The following SCARA5 variants were observed in gnomAD, a reference collection of about 807,000 sequenced individuals.
SCARA5 encodes the protein scavenger receptor class A member 5.
Under a neutral mutation model 46.3 loss-of-function variants are expected in SCARA5, and 45 were observed. That is an observed-to-expected ratio of 0.97 (90% CI 0.76 to 1.24). The LOEUF is 1.24. Among genes scored for constraint, SCARA5 ranks in the 50% most tolerant of loss-of-function variants. The pLI, the probability that SCARA5 is intolerant of heterozygous loss-of-function variation, is 0.00. For synonymous variants in SCARA5, 333 were observed against 306.5 expected, an observed-to-expected ratio of 1.09 and a Z score of -0.90; for missense variants, 680 against 689.0, an observed-to-expected ratio of 0.99 and a Z score of 0.15.
At chr8:27,955,108 C>T (rs882832) in intron 3 of SCARA5, among the ~76,000 whole-genome samples, 9,456 of 152,234 alleles carry the variant, frequency 0.062, 405 homozygotes, top group East Asian at 0.19. Flanking sequence ...ATTGTCACTG[C>T]CCCACCCCAT....
rs775120903 is a variant in SCARA5, at chr8:27,870,105, A to G, written c.*1829T>C. ...ACAAGACTTATGTTGTCCCTAATGG[A>G]AAGACCAAGTAAGAGAGTTATGTGC... On this transcript the variant is annotated 3_prime_UTR_variant, in exon 9 of 9. Coordinates refer to ENST00000354914, the MANE Select transcript of SCARA5 (RefSeq NM_173833.6). 1 of 152,170 alleles carries G rather than the reference A, an allele frequency of 6.6e-6. No homozygotes were observed. The highest frequency in any genetic ancestry group is 1.5e-5 in the Non-Finnish European group (1 of 68,042). 9.4% of individuals were successfully genotyped at this position (152,170 alleles called of 1,614,324 possible). A position where few individuals can be genotyped will look rare whatever the true frequency, so the allele number is the denominator to read the frequency against.
In SCARA5 at chr8:27,921,863, C is replaced by A; in HGVS notation, c.624G>T (p.Gly208=). The A allele has an allele frequency of 6.6e-7, 1 of 1,515,576 alleles. No homozygotes were observed. Among genetic ancestry groups the A allele is most frequent in the Admixed American group, 2.1e-5 (1 of 46,878 alleles). 93.9% of individuals were successfully genotyped at this position (1,515,576 alleles called of 1,614,324 possible). The change falls in exon 4 of 9, where the codon GGG becomes GGT. Residue 208 remains glycine, a synonymous_variant. Transcript: ENST00000354914. ...CCAGGATGCCCACCCTGCGCGCCAG[C>A]CCGTCCAGCAGGCCCGCGTGGCGCC... ...LLRRHAGLLD[G]LARRVGILGE...
At position 27,901,544 on chromosome 8, in the gene SCARA5, C is replaced by A. The variant is rs112473636; in HGVS notation, c.1153+3234G>T. On this transcript the variant is annotated intron_variant, in intron 7 of 8. Coordinates refer to ENST00000354914, the MANE Select transcript of SCARA5 (RefSeq NM_173833.6). Reference sequence around the variant, plus strand: ...TTTCTGAAAGCTGAGCCTTGGCTCTCCCCCACAGAGCCCGGGTCTCAGGGA... The same window carrying A: ...TTTCTGAAAGCTGAGCCTTGGCTCTACCCCACAGAGCCCGGGTCTCAGGGA... Among the ~76,000 whole-genome samples, 1,086 of 152,206 alleles carry A rather than the reference C, an allele frequency of 7.1e-3. 9 individuals carry two copies. Among genetic ancestry groups the A allele is most frequent in the Non-Finnish European group, 0.012 (808 of 67,994 alleles).
At chr8:27,883,286 C>T (rs1464070562) in intron 7 of SCARA5, among the ~76,000 whole-genome samples, 2 of 152,204 alleles carry the variant, frequency 1.3e-5, no homozygotes, top group Admixed American at 1.3e-4. Flanking sequence ...ATCACAAAGC[C>T]AGGGTTTGGC....
chr8:27,977,610 T>A (rs73669116), intron 2 of SCARA5, among the ~76,000 whole-genome samples: 6,674 of 152,304 alleles, frequency 0.044, 455 homozygotes, highest in African/African-American at 0.15. Context: ...CTTTGCTTCC[T>A]TCTAGAACTT....
At chr8:27,896,832 G>A (rs377630326) in intron 7 of SCARA5, among the ~76,000 whole-genome samples, 8 of 152,092 alleles carry the variant, frequency 5.3e-5, no homozygotes, top group African/African-American at 1.9e-4. Context: ...AGTGGCTCAC[G>A]CCGGTAATCC....
intron 3 of SCARA5, among the ~76,000 whole-genome samples, chr8:27,930,480 G>C (rs1348990536): frequency 6.6e-6 from 1 of 151,832 alleles, no homozygotes; most frequent in Admixed American, 6.6e-5. Context: ...TCGGCTCACA[G>C]CAACCTCCGC....
At chr8:27,898,469 T>C (rs1224206355) in intron 7 of SCARA5, among the ~76,000 whole-genome samples, 1 of 152,214 alleles carries the variant, frequency 6.6e-6, no homozygotes, top group Admixed American at 6.5e-5. Context: ...AAACAGGACT[T>C]GGATTTAAGA....
chr8:27,932,742 C>T (rs1267892121), intron 3 of SCARA5, among the ~76,000 whole-genome samples: 2 of 152,252 alleles, frequency 1.3e-5, no homozygotes, highest in African/African-American at 4.8e-5. Context: ...GATTCTCCTG[C>T]CTCAGCCTCC....
intron 4 of SCARA5, among the ~76,000 whole-genome samples, chr8:27,917,347 G>T (rs1221640173): frequency 6.6e-6 from 1 of 152,198 alleles, no homozygotes; most frequent in African/African-American, 2.4e-5. Flanking sequence ...GGCAGTTTCA[G>T]TTTGAGCCAA....
chr8:27,948,395 A>T (rs1382232503), intron 3 of SCARA5, among the ~76,000 whole-genome samples: 1 of 152,188 alleles, frequency 6.6e-6, no homozygotes, highest in African/African-American at 2.4e-5. Context: ...TTCACAACTG[A>T]AGTCTCAGGA....
At chr8:27,914,354 AT>A (rs1165255020) in intron 4 of SCARA5, among the ~76,000 whole-genome samples, 2 of 152,248 alleles carry the variant, frequency 1.3e-5, no homozygotes, top group Non-Finnish European at 2.9e-5. Flanking sequence ...TTAGTGTACC[AT>A]GGGCAGAGCC....
At chr8:27,941,230 T>G (rs1170583664) in intron 3 of SCARA5, among the ~76,000 whole-genome samples, 2 of 152,184 alleles carry the variant, frequency 1.3e-5, no homozygotes, top group African/African-American at 4.8e-5. Flanking sequence ...TGGAATCAAT[T>G]TAGATTTAGA....
chr8:27,872,160 G>T, intron 8 of SCARA5, 90 bp from the exon 9 acceptor site: 2 of 1,416,374 alleles, frequency 1.4e-6, no homozygotes, highest in Non-Finnish European at 2.0e-6. Context: ...CCTTGACTTG[G>T]CTCTGCTGTA....
Position 27,987,608 on chromosome 8 carries a change from T to A in SCARA5, c.8A>T (p.Asn3Ile). 6.2e-7 allele frequency: 1 copy of A among 1,611,764 alleles called. No homozygotes were observed. Reference protein sequence around the residue: MENKAMYLHTVSD... With the variant: MEIKAMYLHTVSD... The stretch of plus-strand genomic sequence containing the variant: ...GACGGTGTGTAGGTACATAGCTTTG[T>A]TCTCCATCACACCCTGCAACAGCTG... Residue 3 changes from asparagine (N) to isoleucine (I), a missense_variant, in exon 2 of 9, where the codon AAC becomes ATC. Transcript: ENST00000354914.
chr8:27,880,290 G>A (rs1249057409), intron 7 of SCARA5, among the ~76,000 whole-genome samples: 1 of 150,794 alleles, frequency 6.6e-6, no homozygotes, highest in East Asian at 2.0e-4. Context: ...CATTGGCCTT[G>A]AAAAAGAATT....
rs557139632 is a variant in SCARA5, at chr8:27,894,858, G to A, written c.1153+9920C>T. On this transcript the variant is annotated intron_variant, in intron 7 of 8. Transcript: ENST00000354914. ...CCTGCAGCAAACAGAGAGCCTGCAC[G>A]TTCCAGTGCTCAACAGATGGTGTGG... Among the ~76,000 whole-genome samples the A allele has an allele frequency of 4.6e-5, 7 of 152,332 alleles. No homozygotes were observed. The South Asian group carries it at 1.0e-3, about 23-fold the overall frequency.
intron 7 of SCARA5, among the ~76,000 whole-genome samples, chr8:27,895,666 G>A (rs537183612): frequency 5.9e-5 from 9 of 152,202 alleles, no homozygotes; most frequent in East Asian, 5.8e-4. Flanking sequence ...AGGCGGCCAC[G>A]CCAGGACCAC....
chr8:27,940,023 T>C (rs1330814351), intron 3 of SCARA5, among the ~76,000 whole-genome samples: 3 of 152,182 alleles, frequency 2.0e-5, no homozygotes, highest in African/African-American at 7.2e-5. Flanking sequence ...CTGAAATCAG[T>C]GAGGGCGGCA....
Sources: allele counts gnomAD v4.1 joint callset (sites outside exome capture counted in the v4.1 genomes callset), GRCh38; gene constraint gnomAD v4.1.1; transcripts MANE v1.5; gene names NCBI Gene and HGNC (gene_info 2026-07-23, HGNC 2026-07-21).